KHDRBS2: variants seen among roughly 807,000 people sequenced by gnomAD.
KHDRBS2 encodes KH RNA binding domain containing, signal transduction associated 2.
Under a neutral mutation model 44.3 loss-of-function variants are expected in KHDRBS2, and 26 were observed. The observed-to-expected ratio is 0.59, with a 90% CI of 0.43 to 0.81. The LOEUF (loss-of-function observed/expected upper bound fraction) is 0.81, where lower values mean the gene tolerates loss of function less well. Among genes scored for constraint, KHDRBS2 ranks in the 40% least tolerant of loss-of-function variants. The pLI, the probability that KHDRBS2 is intolerant of heterozygous loss-of-function variation, is 0.00. For missense variants in KHDRBS2, 476 were observed against 433.1 expected (o/e 1.10, Z -0.88); for synonymous variants, 194 against 151.1 (o/e 1.28, Z -2.08).
intron 6 of KHDRBS2, among the ~76,000 whole-genome samples, chr6:61,824,935 G>A (rs567061716): frequency 6.6e-6 from 1 of 152,184 alleles, no homozygotes; most frequent in East Asian, 1.9e-4. Context: ...ATGGCTAATT[G>A]TCCACATTGC....
chr6:61,905,552 G>T (rs913312853), intron 4 of KHDRBS2, among the ~76,000 whole-genome samples: 3 of 152,056 alleles, frequency 2.0e-5, no homozygotes, highest in Non-Finnish European at 2.9e-5. Flanking sequence ...TTCAGATCTG[G>T]GTTAAAGGAG....
intron 8 of KHDRBS2, among the ~76,000 whole-genome samples, chr6:61,685,448 A>G (rs1766713932): frequency 6.6e-6 from 1 of 151,900 alleles, no homozygotes; most frequent in Non-Finnish European, 1.5e-5. Context: ...ATTATGCAAA[A>G]TAAGTAAAAT....
At chr6:62,044,785 T>C (rs979670776) in intron 3 of KHDRBS2, among the ~76,000 whole-genome samples, 1 of 152,120 alleles carries the variant, frequency 6.6e-6, no homozygotes, top group Non-Finnish European at 1.5e-5. Flanking sequence ...TAATACTTGC[T>C]GATCTAAATT....
At chr6:61,974,148 A>C (rs539294308) in intron 4 of KHDRBS2, among the ~76,000 whole-genome samples, 88 of 152,328 alleles carry the variant, frequency 5.8e-4, no homozygotes, top group African/African-American at 2.1e-3. Context: ...TGAAGGTGAG[A>C]ATAAGCCAAT....
the KHDRBS2 span, among the ~76,000 whole-genome samples, chr6:61,564,338 T>A: frequency 6.6e-6 from 1 of 152,078 alleles, no homozygotes; most frequent in African/African-American, 2.4e-5. Context: ...TAGAACAAAC[T>A]GGGCAGAAAT....
the KHDRBS2 span, among the ~76,000 whole-genome samples, chr6:61,667,239 TC>T: frequency 2.7e-5 from 4 of 150,786 alleles, no homozygotes; most frequent in Non-Finnish European, 5.9e-5. Context: ...AACTATATTC[TC>T]TTTTTTTAAT....
chr6:62,032,066 TA>T (rs1234780425), intron 3 of KHDRBS2, among the ~76,000 whole-genome samples: 5 of 152,070 alleles, frequency 3.3e-5, no homozygotes, highest in Non-Finnish European at 7.4e-5. Context: ...TGGGAGAAAG[TA>T]AAGGAAGAGA....
intron 3 of KHDRBS2, among the ~76,000 whole-genome samples, chr6:61,997,609 T>G (rs1207541855): frequency 1.3e-5 from 2 of 152,150 alleles, no homozygotes; most frequent in Non-Finnish European, 2.9e-5. Flanking sequence ...ATTTAGGACC[T>G]TCTTCTAATT....
chr6:61,570,181 T>A, the KHDRBS2 span, among the ~76,000 whole-genome samples: 3 of 151,910 alleles, frequency 2.0e-5, no homozygotes, highest in Non-Finnish European at 4.4e-5. Flanking sequence ...TAAAAATCAA[T>A]ACAGGATATG....
At chr6:62,002,115 C>T (rs1778357252) in intron 3 of KHDRBS2, among the ~76,000 whole-genome samples, 1 of 151,824 alleles carries the variant, frequency 6.6e-6, no homozygotes, top group Admixed American at 6.6e-5. Context: ...AAAGTGCACA[C>T]ATTTGAAACC....
chr6:61,787,344 A>G (rs1184158604), intron 6 of KHDRBS2, among the ~76,000 whole-genome samples: 2 of 151,694 alleles, frequency 1.3e-5, no homozygotes, highest in African/African-American at 2.4e-5. Flanking sequence ...ACTGAGTGAA[A>G]TTATGTATGA....
Position 61,974,933 on chromosome 6 carries a change from AAAATAAATAAATAAATAAAT to A in KHDRBS2, c.483+3113_483+3132del, listed in dbSNP as rs139333730. Among the ~76,000 whole-genome samples, 132 of 138,726 alleles carry A rather than the reference AAAATAAATAAATAAATAAAT, an allele frequency of 9.5e-4. 1 individual carries two copies. The highest frequency in any genetic ancestry group is 2.2e-3 in the African/African-American group (83 of 37,924). 91.0% of individuals were successfully genotyped at this position (138,726 alleles called of 152,430 possible). ...GCGACATAGCAAGACTCCATCTTAA[AAAATAAATAAATAAATAAAT>A]AAATAAATAAATAAATAAATAAATA... On this transcript the variant is annotated intron_variant, in intron 4 of 8. Transcript: ENST00000281156.
intron 1 of KHDRBS2, among the ~76,000 whole-genome samples, chr6:62,214,561 G>A (rs1829653527): frequency 6.6e-6 from 1 of 151,664 alleles, no homozygotes; most frequent in Admixed American, 6.6e-5. Flanking sequence ...AGCCACTTGA[G>A]GGCACTGAAA....
chr6:61,752,712 T>C (rs1451735663), intron 6 of KHDRBS2, among the ~76,000 whole-genome samples: 1 of 146,152 alleles, frequency 6.8e-6, no homozygotes, highest in Non-Finnish European at 1.5e-5. Context: ...ATATCCATGC[T>C]CATTGAGGTC....
At chr6:61,988,824 A>AT (rs1775569152) in intron 3 of KHDRBS2, among the ~76,000 whole-genome samples, 1 of 152,240 alleles carries the variant, frequency 6.6e-6, no homozygotes, top group Admixed American at 6.5e-5. Flanking sequence ...TTCAACAACC[A>AT]TATCTACACT....
At chr6:61,765,966 G>C (rs1779953292) in intron 6 of KHDRBS2, among the ~76,000 whole-genome samples, 1 of 151,972 alleles carries the variant, frequency 6.6e-6, no homozygotes, top group Non-Finnish European at 1.5e-5. Flanking sequence ...CCTTTGTCTA[G>C]TTTTAGTATC....
chr6:61,815,900 T>C (rs1326405082), intron 6 of KHDRBS2, among the ~76,000 whole-genome samples: 3 of 152,182 alleles, frequency 2.0e-5, no homozygotes, highest in Non-Finnish European at 4.4e-5. Flanking sequence ...TGTGCTGCTA[T>C]AATGCATATT....
At chr6:62,094,425 T>G in intron 2 of KHDRBS2, among the ~76,000 whole-genome samples, 1 of 151,926 alleles carries the variant, frequency 6.6e-6, no homozygotes, top group South Asian at 2.1e-4. Context: ...CTTATATATT[T>G]TGGATATTAA....
rs1348032482 is a variant in KHDRBS2, at chr6:62,118,749, C to T, written c.219+58436G>A. Among the ~76,000 whole-genome samples the T allele has an allele frequency of 1.3e-3, 198 of 152,270 alleles. 2 individuals are homozygous for T. The highest frequency in any genetic ancestry group is 0.013 in the Admixed American group (197 of 15,288). On this transcript the variant is annotated intron_variant, in intron 2 of 8. Transcript: ENST00000281156. The stretch of plus-strand genomic sequence containing the variant: ...TTCCAGCCTTCATCTTTCTTCTATG[C>T]TGGATGCTTCCTGTCACTAAAGGTC...
Sources: allele counts gnomAD v4.1 joint callset (sites outside exome capture counted in the v4.1 genomes callset), GRCh38; gene constraint gnomAD v4.1.1; transcripts MANE v1.5; gene names NCBI Gene and HGNC (gene_info 2026-07-23, HGNC 2026-07-21).